GALNT9: variants seen among roughly 807,000 people sequenced by gnomAD.
The protein encoded by GALNT9 is GalNAc transferase 9.
Under a neutral mutation model 63.1 loss-of-function variants are expected in GALNT9, and 47 were observed. The ratio of observed to expected loss-of-function variants is 0.75; its 90% CI spans 0.59 to 0.95. The LOEUF is 0.95. GALNT9 is among the 40% of genes least tolerant of loss of function. GALNT9 has a pLI of 0.00. For missense variants in GALNT9, 829 were observed against 874.8 expected, an observed-to-expected ratio of 0.95 and a Z score of 0.66; for synonymous variants, 396 against 365.7, an observed-to-expected ratio of 1.08 and a Z score of -0.94.
intron 6 of GALNT9, among the ~76,000 whole-genome samples, chr12:132,233,500 GTCC>G (rs2135527027): frequency 4.6e-5 from 2 of 43,020 alleles, no homozygotes; most frequent in African/African-American, 3.3e-4. Flanking sequence ...ACAGCGTGGA[GTCC>G]CTAGTGCCAC....
intron 1 of GALNT9, among the ~76,000 whole-genome samples, chr12:132,287,069 C>A (rs115087387): frequency 4.8e-5 from 5 of 103,396 alleles, no homozygotes; most frequent in Admixed American, 9.2e-5. Flanking sequence ...GCCCCCCCCC[C>A]CCCCCGTGAG....
chr12:132,203,675 CGCCACACT>C lies in GALNT9; in HGVS notation c.1085_1092del (p.Gln362ArgfsTer26), dbSNP rs763563910. The C allele has an allele frequency of 1.6e-5, 26 of 1,612,528 alleles. No individual in the cohort carries two copies. The highest frequency in any genetic ancestry group is 2.1e-5 in the Non-Finnish European group (25 of 1,179,628). On this transcript the variant is annotated frameshift_variant, in exon 7 of 11. Transcript: ENST00000328957. LOFTEE classifies it high-confidence loss of function. ...GAGCAGGGCAGCACCTCCATGCTGC[CGCCACACT>C]GCCACACCTGCGGGGAGACGGCGCT...
At chr12:132,255,250 C>G (rs1879066208) in intron 5 of GALNT9, among the ~76,000 whole-genome samples, 1 of 152,188 alleles carries the variant, frequency 6.6e-6, no homozygotes, top group African/African-American at 2.4e-5. Flanking sequence ...CAAACAGACT[C>G]TTTTGTAGAG....
chr12:132,229,554 A>C (rs1877818792), intron 6 of GALNT9, among the ~76,000 whole-genome samples: 1 of 152,216 alleles, frequency 6.6e-6, no homozygotes, highest in Non-Finnish European at 1.5e-5. Context: ...TCGCAGGCAC[A>C]GCCCCGCAGT....
intron 2 of GALNT9, among the ~76,000 whole-genome samples, chr12:132,264,774 T>C (rs73166898): frequency 1.3e-5 from 2 of 152,204 alleles, no homozygotes; most frequent in African/African-American, 2.4e-5. Flanking sequence ...CACCGCGTCA[T>C]GCTGGACTCA....
chr12:132,312,653 A>C (rs1334913287), intron 1 of GALNT9, among the ~76,000 whole-genome samples: 1 of 152,236 alleles, frequency 6.6e-6, no homozygotes, highest in Non-Finnish European at 1.5e-5. Context: ...GGTCAAAGAC[A>C]GGAGGAGACC....
At chr12:132,295,922 ACGGCC>A (rs1555243181) in intron 1 of GALNT9, among the ~76,000 whole-genome samples, 1 of 71,696 alleles carries the variant, frequency 1.4e-5, no homozygotes, top group Non-Finnish European at 2.8e-5. Flanking sequence ...CCGAACAGGG[ACGGCC>A]TCCGAACAGG....
chr12:132,222,309 G>A (rs926800339), intron 6 of GALNT9, among the ~76,000 whole-genome samples: 3 of 152,178 alleles, frequency 2.0e-5, no homozygotes, highest in Non-Finnish European at 4.4e-5. Flanking sequence ...CAGGCGCAGT[G>A]GCTCAAGACT....
chr12:132,303,950 C>A (rs112605826), intron 1 of GALNT9, among the ~76,000 whole-genome samples: 2 of 38,912 alleles, frequency 5.1e-5, no homozygotes, highest in Non-Finnish European at 9.5e-5. Context: ...CCCGGGCACA[C>A]CCTCACCTGG....
chr12:132,239,278 A>C (rs2136896642), intron 6 of GALNT9, among the ~76,000 whole-genome samples: 117 of 151,534 alleles, frequency 7.7e-4, no homozygotes, highest in African/African-American at 2.8e-3. Flanking sequence ...AGACACAGAG[A>C]CAGAGACACA....
intron 1 of GALNT9, among the ~76,000 whole-genome samples, chr12:132,322,970 G>A (rs1392071237): frequency 1.3e-5 from 2 of 152,094 alleles, no homozygotes; most frequent in African/African-American, 4.8e-5. Flanking sequence ...GCACTTCCTC[G>A]GGCTCGAGAG....
chr12:132,202,547 TA>T, intron 7 of GALNT9, among the ~76,000 whole-genome samples: 1 of 152,156 alleles, frequency 6.6e-6, no homozygotes, highest in Admixed American at 6.5e-5. Context: ...GAAGTAGTAA[TA>T]TTGTAAATGA....
intron 1 of GALNT9, among the ~76,000 whole-genome samples, chr12:132,288,803 C>T (rs1270845005): frequency 4.4e-5 from 6 of 134,998 alleles, no homozygotes; most frequent in Non-Finnish European, 7.7e-5. Context: ...GCGTTGGAAC[C>T]GGCAGGAGGG....
intron 1 of GALNT9, among the ~76,000 whole-genome samples, chr12:132,304,105 A>G (rs1343379733): frequency 2.8e-4 from 7 of 25,176 alleles, no homozygotes; most frequent in Admixed American, 4.8e-4. Context: ...CCTCACCCAG[A>G]CACAGCCTCA....
At chr12:132,217,309 C>G (rs1338511634) in intron 6 of GALNT9, among the ~76,000 whole-genome samples, 1 of 151,144 alleles carries the variant, frequency 6.6e-6, no homozygotes, top group Non-Finnish European at 1.5e-5. Flanking sequence ...AGCCATCAAT[C>G]CATCCATTCA....
At position 132,329,145 on chromosome 12, in the gene GALNT9, C is replaced by A. The variant is rs1200397059; in HGVS notation, c.59G>T (p.Gly20Val). The A allele has an allele frequency of 3.9e-6, 6 of 1,549,286 alleles. No homozygotes were observed. The highest frequency in any genetic ancestry group is 5.2e-6 in the Non-Finnish European group (6 of 1,146,452). Residue 20 changes from glycine (G) to valine (V), a missense_variant, in exon 1 of 11, where the codon GGC becomes GTC. Physicochemically the swap from Gly to Val is moderately radical, Grantham distance 109. Transcript: ENST00000328957. ...GCAGTACACGGAGAACAGGACGATG[C>A]CCACGAACACCAGGATGTTCACCGT... ...LLTVNILVFV[G>V]IVLFSVYCRL...
At chr12:132,297,347 A>C (rs1272868948) in intron 1 of GALNT9, among the ~76,000 whole-genome samples, 3 of 151,000 alleles carry the variant, frequency 2.0e-5, no homozygotes, top group Non-Finnish European at 4.4e-5. Flanking sequence ...CTCACTCCCA[A>C]GATGACCAAG....
intron 6 of GALNT9, among the ~76,000 whole-genome samples, chr12:132,221,419 G>A (rs1254769960): frequency 1.4e-5 from 2 of 143,598 alleles, no homozygotes; most frequent in East Asian, 2.1e-4. Flanking sequence ...CCAGCACTTT[G>A]GGAGGCCAAG....
chr12:132,304,513 T>A (rs1881482962), intron 1 of GALNT9, among the ~76,000 whole-genome samples: 1 of 60,622 alleles, frequency 1.6e-5, no homozygotes, highest in Non-Finnish European at 2.8e-5. Flanking sequence ...GGGCACACCC[T>A]CGCCCGGACA....
Sources: allele counts gnomAD v4.1 joint callset (sites outside exome capture counted in the v4.1 genomes callset), GRCh38; gene constraint gnomAD v4.1.1; transcripts MANE v1.5; gene names NCBI Gene and HGNC (gene_info 2026-07-23, HGNC 2026-07-21).